The following ARSB variants were observed in gnomAD, a reference collection of about 807,000 sequenced individuals.
The protein encoded by ARSB is N-acetylgalactosamine-4-sulfatase.
Under a neutral mutation model 50.9 loss-of-function variants are expected in ARSB, and 41 were observed. The ratio of observed to expected loss-of-function variants is 0.81; its 90% confidence interval spans 0.63 to 1.04. The LOEUF is 1.04. ARSB is among the 50% of genes least tolerant of loss of function. The pLI is 0.00. For synonymous variants in ARSB, 269 were observed against 284.8 expected (o/e 0.94, Z 0.56); for missense variants, 672 against 693.3 (o/e 0.97, Z 0.35).
Position 78,900,189 on chromosome 5 carries a change from G to A in ARSB, c.899-14362C>T, listed in dbSNP as rs142901054. ...TAGGGGTTCCTGCCCATGGGAACCTGTGGAATGTACCTCCTACAGTGTGGT... is the reference window on the plus strand; with the variant it reads ...TAGGGGTTCCTGCCCATGGGAACCTATGGAATGTACCTCCTACAGTGTGGT... On this transcript the variant is annotated intron_variant, in intron 4 of 7. Transcript: ENST00000264914. 6.5e-3 allele frequency among the ~76,000 whole-genome samples: 994 copies of A among 152,224 alleles called. 5 individuals carry two copies. Among genetic ancestry groups the A allele is most frequent in the South Asian group, 0.028 (136 of 4,820 alleles).
chr5:78,807,499 C>T (rs1039082091), intron 6 of ARSB, among the ~76,000 whole-genome samples: 5 of 152,166 alleles, frequency 3.3e-5, no homozygotes, highest in South Asian at 2.1e-4. Flanking sequence ...AGCCTAAGCC[C>T]GGGCAAGGAG....
intron 6 of ARSB, among the ~76,000 whole-genome samples, chr5:78,817,802 G>A (rs934077382): frequency 7.3e-5 from 11 of 151,168 alleles, no homozygotes; most frequent in African/African-American, 1.7e-4. Context: ...GAGTGACAGC[G>A]AGACTCTGCC....
chr5:78,805,440 C>T (rs998058201), intron 6 of ARSB, among the ~76,000 whole-genome samples: 5 of 152,254 alleles, frequency 3.3e-5, no homozygotes, highest in African/African-American at 9.6e-5. Context: ...GGAAGAAAGA[C>T]GTCTTTCTGT....
At chr5:78,839,635 T>G (rs1745106909) in intron 5 of ARSB, among the ~76,000 whole-genome samples, 2 of 152,178 alleles carry the variant, frequency 1.3e-5, no homozygotes, top group South Asian at 4.1e-4. Context: ...CATAAGAACT[T>G]CAGTGTCAAG....
chr5:78,822,641 G>A (rs566653362), intron 6 of ARSB, among the ~76,000 whole-genome samples: 2 of 151,890 alleles, frequency 1.3e-5, no homozygotes, highest in African/African-American at 2.4e-5. Context: ...TTTTTTCTTC[G>A]TTTGTTTGTT....
intron 5 of ARSB, among the ~76,000 whole-genome samples, chr5:78,845,147 C>T (rs1432497012): frequency 1.3e-5 from 2 of 152,004 alleles, no homozygotes; most frequent in East Asian, 3.9e-4. Context: ...TCTTTCTGTG[C>T]CTGGCTTATT....
chr5:78,937,410 A>G (rs1282458761), intron 4 of ARSB, among the ~76,000 whole-genome samples: 1 of 140,770 alleles, frequency 7.1e-6, no homozygotes, highest in African/African-American at 2.8e-5. Context: ...AGATATATAT[A>G]TGTAAGATAT....
rs74637630 is a variant in ARSB, at chr5:78,971,777, G to A, written c.313-2585C>T. On this transcript the variant is annotated intron_variant, in intron 1 of 7. Transcript: ENST00000264914. ...TTAAGTTAAAGTGGGTTTATCTTGA[G>A]GATGATAGTTAAGTTCACTATCTTG... Among the ~76,000 whole-genome samples the A allele has an allele frequency of 5.9e-3, 897 of 152,300 alleles. 9 individuals carry two copies. Among genetic ancestry groups the A allele is most frequent in the African/African-American group, 0.02 (830 of 41,558 alleles).
In ARSB at chr5:78,819,778, A is replaced by G. The variant is rs182563415; in HGVS notation, c.1213+19578T>C. Among the ~76,000 whole-genome samples the G allele has an allele frequency of 1.8e-4, 28 of 152,346 alleles. No homozygotes were observed. In the East Asian group the frequency reaches 5.2e-3, roughly 28 times the overall value. On this transcript the variant is annotated intron_variant, in intron 6 of 7. Transcript: ENST00000264914. ...GGGGGCCACAGAGGTAGAGAGGAAA[A>G]AGGCAGAGCCAAGGGGCCTGGGAGG...
intron 6 of ARSB, among the ~76,000 whole-genome samples, chr5:78,822,640 CGTTT>C (rs1744278183): frequency 1.3e-5 from 2 of 151,846 alleles, no homozygotes; most frequent in South Asian, 2.1e-4. Context: ...TTTTTTTCTT[CGTTT>C]GTTTGTTTTT....
intron 6 of ARSB, among the ~76,000 whole-genome samples, chr5:78,784,614 C>T (rs1428064918): frequency 6.6e-6 from 1 of 152,106 alleles, no homozygotes; most frequent in Non-Finnish European, 1.5e-5. Flanking sequence ...CTCCCTTTGT[C>T]AGTTTTGATA....
At chr5:78,867,465 A>G (rs1746832813) in intron 5 of ARSB, among the ~76,000 whole-genome samples, 1 of 152,232 alleles carries the variant, frequency 6.6e-6, no homozygotes, top group Non-Finnish European at 1.5e-5. Context: ...ACGCAGCTGG[A>G]GATCTGAGAA....
chr5:78,969,207 C>T lies in ARSB; in HGVS notation c.313-15G>A. The stretch of plus-strand genomic sequence containing the variant: ...CCTGTACGGATCTTACAGAGATAAA[C>T]ATAAAATTATAGATTAATGACATTG... On this transcript the variant is annotated splice_polypyrimidine_tract_variant and intron_variant, in intron 1 of 7. Coordinates refer to ENST00000264914, the MANE Select transcript of ARSB (RefSeq NM_000046.5). The T allele has an allele frequency of 1.2e-6, 2 of 1,613,534 alleles. No individual in the cohort carries two copies. Among genetic ancestry groups the T allele is most frequent in the Non-Finnish European group, 1.7e-6 (2 of 1,179,578 alleles).
chr5:78,779,833 C>A lies in ARSB; in HGVS notation c.*564G>T, dbSNP rs920646570. 3 of 156,220 alleles carry A rather than the reference C, an allele frequency of 1.9e-5. No individual in the cohort carries two copies. The highest frequency in any genetic ancestry group is 6.2e-5 in the Admixed American group (1 of 16,062). The allele number at this position is 156,220 out of a possible 1,614,324, so 9.7% of individuals were successfully genotyped here. On this transcript the variant is annotated 3_prime_UTR_variant, in exon 8 of 8. Transcript: ENST00000264914. The stretch of plus-strand genomic sequence containing the variant: ...CCACAGTCATGGTGCAGGCATTTTG[C>A]TGTTGACCTGAACAACAAAATGGGC...
intron 4 of ARSB, among the ~76,000 whole-genome samples, chr5:78,914,683 G>C (rs932723103): frequency 6.6e-6 from 1 of 152,134 alleles, no homozygotes; most frequent in Non-Finnish European, 1.5e-5. Context: ...TTTCATGAAA[G>C]TCTTTGTTTT....
intron 4 of ARSB, among the ~76,000 whole-genome samples, chr5:78,939,717 T>C (rs1243837888): frequency 1.3e-5 from 2 of 152,206 alleles, no homozygotes; most frequent in Non-Finnish European, 2.9e-5. Context: ...GTCTTTGCTA[T>C]TGTGAATAGT....
intron 6 of ARSB, among the ~76,000 whole-genome samples, chr5:78,820,889 G>T (rs911964078): frequency 2.0e-5 from 3 of 151,644 alleles, no homozygotes; most frequent in Admixed American, 2.0e-4. Flanking sequence ...TATACTTACG[G>T]ATCTGGAAAG....
chr5:78,858,650 T>A (rs1384184951), intron 5 of ARSB, among the ~76,000 whole-genome samples: 3 of 152,214 alleles, frequency 2.0e-5, no homozygotes, highest in Non-Finnish European at 4.4e-5. Context: ...AAAGGCAGTA[T>A]CAAATTTTTA....
At chr5:78,963,426 G>A (rs555042701) in intron 3 of ARSB, among the ~76,000 whole-genome samples, 1 of 152,152 alleles carries the variant, frequency 6.6e-6, no homozygotes, top group Non-Finnish European at 1.5e-5. Flanking sequence ...TGTCAAAGAG[G>A]CAAAGTGCAG....
Sources: allele counts gnomAD v4.1 joint callset (sites outside exome capture counted in the v4.1 genomes callset), GRCh38; gene constraint gnomAD v4.1.1; transcripts MANE v1.5; gene names NCBI Gene and HGNC (gene_info 2026-07-23, HGNC 2026-07-21).